Variants in HSD17B12 observed in about 807,000 individuals in gnomAD.
The protein encoded by HSD17B12 is very-long-chain 3-oxoacyl-CoA reductase.
Under a neutral mutation model 39.3 loss-of-function variants are expected in HSD17B12, and 32 were observed. The observed-to-expected ratio is 0.81, with a 90% CI of 0.61 to 1.09. The LOEUF is 1.09. Ranked by LOEUF, HSD17B12 falls within the 50% of genes least tolerant of loss-of-function variation. HSD17B12 has a pLI of 0.00. For missense variants in HSD17B12, 342 were observed against 382.9 expected, an observed-to-expected ratio of 0.89 and a Z score of 0.89; for synonymous variants, 150 against 146.7, an observed-to-expected ratio of 1.02 and a Z score of -0.16.
chr11:43,603,210 T>C, the HSD17B12 span, among the ~76,000 whole-genome samples: 730 of 152,310 alleles, frequency 4.8e-3, 5 homozygotes, highest in African/African-American at 0.014. Flanking sequence ...AGGACAGTAA[T>C]ATCTGAAGTG....
chr11:43,719,615 CA>C (rs756654421), intron 1 of HSD17B12, among the ~76,000 whole-genome samples: 7,908 of 137,616 alleles, frequency 0.057, 259 homozygotes, highest in African/African-American at 0.09. Flanking sequence ...ACAAGGACTT[CA>C]AAAAAAAAAA....
the HSD17B12 span, among the ~76,000 whole-genome samples, chr11:43,672,603 A>C: frequency 1.3e-5 from 2 of 152,086 alleles, no homozygotes; most frequent in African/African-American, 4.8e-5. Flanking sequence ...GTTAGAGTGC[A>C]GTGGTGCGAT....
the HSD17B12 span, among the ~76,000 whole-genome samples, chr11:43,648,142 C>T: frequency 1.3e-5 from 2 of 152,052 alleles, no homozygotes; most frequent in East Asian, 1.9e-4. Context: ...TTGTCCTTTG[C>T]CTTCCTTATT....
intron 9 of HSD17B12, among the ~76,000 whole-genome samples, chr11:43,850,214 A>C (rs1951517154): frequency 6.6e-6 from 1 of 152,228 alleles, no homozygotes; most frequent in South Asian, 2.1e-4. Context: ...TATATGGAAA[A>C]GCTAATTTCG....
At chr11:43,787,116 A>G (rs1045324256) in intron 3 of HSD17B12, among the ~76,000 whole-genome samples, 3 of 151,870 alleles carry the variant, frequency 2.0e-5, no homozygotes, top group Non-Finnish European at 4.4e-5. Context: ...TAATTTTTGT[A>G]TTTTTAGTAG....
chr11:43,842,792 A>T (rs1211890302), intron 9 of HSD17B12, among the ~76,000 whole-genome samples: 1 of 152,230 alleles, frequency 6.6e-6, no homozygotes, highest in Non-Finnish European at 1.5e-5. Flanking sequence ...AAAAAGGTCC[A>T]TTGGTGATTG....
chr11:43,796,148 A>G (rs534473764), intron 3 of HSD17B12, among the ~76,000 whole-genome samples: 2 of 152,324 alleles, frequency 1.3e-5, no homozygotes, highest in Admixed American at 1.3e-4. Flanking sequence ...AGTTCAGCCA[A>G]TAAACTCACA....
upstream of HSD17B12, among the ~76,000 whole-genome samples, chr11:43,676,949 A>G (rs7928182): frequency 1.3e-5 from 2 of 151,950 alleles, no homozygotes; most frequent in African/African-American, 4.8e-5. Context: ...ATTTGGGGAT[A>G]TAGCTATACT....
At chr11:43,771,736 G>A (rs1276311258) in intron 3 of HSD17B12, among the ~76,000 whole-genome samples, 1 of 151,934 alleles carries the variant, frequency 6.6e-6, no homozygotes, top group Non-Finnish European at 1.5e-5. Flanking sequence ...CAAAGTGCTG[G>A]GATTACAGGT....
chr11:43,588,134 G>A, the HSD17B12 span, among the ~76,000 whole-genome samples: 1 of 152,200 alleles, frequency 6.6e-6, no homozygotes, highest in Non-Finnish European at 1.5e-5. Flanking sequence ...CTTGCAATGA[G>A]GAAGGCCAGA....
At chr11:43,814,838 A>G (rs915416410) in intron 4 of HSD17B12, among the ~76,000 whole-genome samples, 1 of 152,094 alleles carries the variant, frequency 6.6e-6, no homozygotes, top group Non-Finnish European at 1.5e-5. Context: ...TTCTTTTCCT[A>G]CTAGATTGTA....
chr11:43,855,120 A>T, intron 10 of HSD17B12, 24 bp from the exon 11 acceptor site: 2 of 1,432,710 alleles, frequency 1.4e-6, no homozygotes, highest in Non-Finnish European at 1.9e-6. Context: ...ATAATTACAT[A>T]TCTCTCTCAT....
chr11:43,807,348 T>A (rs1485385557), intron 4 of HSD17B12, among the ~76,000 whole-genome samples: 2 of 152,036 alleles, frequency 1.3e-5, no homozygotes, highest in African/African-American at 2.4e-5. Context: ...ACTGGGAGAA[T>A]AGACATGGGA....
intron 3 of HSD17B12, among the ~76,000 whole-genome samples, chr11:43,788,709 A>C (rs76512335): frequency 0.012 from 1,651 of 133,030 alleles, 36 homozygotes; most frequent in African/African-American, 0.042. Flanking sequence ...AAAAAAAAAA[A>C]GAAGTGTGAT....
At chr11:43,589,161 A>G in the HSD17B12 span, among the ~76,000 whole-genome samples, 2 of 152,284 alleles carry the variant, frequency 1.3e-5, no homozygotes, top group Non-Finnish European at 2.9e-5. Flanking sequence ...ATCGTAAATA[A>G]TGTTTTCTTT....
At chr11:43,677,406 G>A (rs11037556), upstream of HSD17B12, among the ~76,000 whole-genome samples, 107,481 of 152,052 alleles carry the variant, frequency 0.71, 38,670 homozygotes, top group East Asian at 0.97. Context: ...CTTGAAGGAA[G>A]GTAGAGAGTA....
chr11:43,629,309 G>C, the HSD17B12 span, among the ~76,000 whole-genome samples: 1 of 152,152 alleles, frequency 6.6e-6, no homozygotes, highest in Admixed American at 6.5e-5. Flanking sequence ...TGATTCTAAT[G>C]GGGTCCTGTA....
At chr11:43,608,555 T>C in the HSD17B12 span, among the ~76,000 whole-genome samples, 1 of 152,316 alleles carries the variant, frequency 6.6e-6, no homozygotes, top group South Asian at 2.1e-4. Context: ...GGCTCATTTA[T>C]GCATTTTTCA....
chr11:43,743,254 A>G (rs1423380904), intron 1 of HSD17B12, among the ~76,000 whole-genome samples: 1 of 152,206 alleles, frequency 6.6e-6, no homozygotes, highest in Non-Finnish European at 1.5e-5. Flanking sequence ...TGAAGTAGCA[A>G]TACTTTTGAC....
Sources: gnomAD v4.1 joint callset for allele counts (sites outside exome capture counted in the v4.1 genomes callset) on GRCh38, gnomAD v4.1.1 for gene constraint, MANE v1.5 for transcripts, NCBI Gene and HGNC (gene_info 2026-07-23, HGNC 2026-07-21) for gene names.